The following GSE1 variants were observed in gnomAD, a reference collection of about 807,000 sequenced individuals.
The protein encoded by GSE1 is genetic suppressor element 1.
A neutral mutation model predicts 112.6 loss-of-function variants in GSE1; 32 were observed. The observed-to-expected ratio is 0.28, with a 90% CI of 0.21 to 0.38. GSE1 has a LOEUF of 0.38. Ranked by LOEUF, GSE1 falls within the 10% of genes least tolerant of loss-of-function variation. The pLI is 1.00. For missense variants in GSE1, 2,348 were observed against 1,699.2 expected (o/e 1.38, Z -6.71); for synonymous variants, 1,115 against 735.6 (o/e 1.52, Z -8.35).
intron 1 of GSE1, among the ~76,000 whole-genome samples, chr16:85,251,641 GGGC>G (rs936244622): frequency 3.5e-4 from 54 of 152,236 alleles, no homozygotes; most frequent in African/African-American, 1.3e-3. Flanking sequence ...GGGCCTTGCT[GGGC>G]GGTCAGACCC....
intron 1 of GSE1, among the ~76,000 whole-genome samples, chr16:85,264,282 C>G (rs981393437): frequency 6.6e-6 from 1 of 152,020 alleles, no homozygotes; most frequent in African/African-American, 2.4e-5. Context: ...GGTATCTGTC[C>G]CACATCCCTA....
At chr16:85,285,220 C>G (rs1168294015) in intron 1 of GSE1, 1 of 152,206 alleles carries the variant, frequency 6.6e-6, no homozygotes, top group Non-Finnish European at 1.5e-5. Context: ...AACCCAATGT[C>G]ATTTCTGGGG....
intron 1 of GSE1, among the ~76,000 whole-genome samples, chr16:85,621,756 C>G (rs922272548): frequency 1.3e-5 from 2 of 152,170 alleles, no homozygotes; most frequent in African/African-American, 4.8e-5. Flanking sequence ...ATCCGTGTCT[C>G]TTATCCACTG....
intron 1 of GSE1, among the ~76,000 whole-genome samples, chr16:85,276,817 C>T (rs950560760): frequency 1.3e-5 from 2 of 152,166 alleles, no homozygotes; most frequent in Admixed American, 6.5e-5. Context: ...CACCCAGGCC[C>T]CCTGACTCAG....
intron 2 of GSE1, among the ~76,000 whole-genome samples, chr16:85,471,614 A>T (rs368156207): frequency 4.6e-5 from 7 of 152,084 alleles, no homozygotes; most frequent in Non-Finnish European, 8.8e-5. Context: ...GGGTCTCGCT[A>T]TGTTGCCCAG....
chr16:85,370,611 CCTTCTCTCCCTCCCTCCTT>C (rs2047275586), intron 2 of GSE1, among the ~76,000 whole-genome samples: 1 of 4,942 alleles, frequency 2.0e-4, no homozygotes, highest in Non-Finnish European at 8.8e-4. Flanking sequence ...TTCCCTCCCT[CCTTCTCTCCCTCCCTCCTT>C]CTCTCCCTCC....
chr16:85,389,723 C>G (rs755923167), intron 2 of GSE1, among the ~76,000 whole-genome samples: 2 of 152,174 alleles, frequency 1.3e-5, no homozygotes, highest in Non-Finnish European at 2.9e-5. Context: ...ATAATCCTAA[C>G]AAATCACTGA....
chr16:85,230,443 G>T (rs995059475), intron 1 of GSE1, among the ~76,000 whole-genome samples: 1 of 152,176 alleles, frequency 6.6e-6, no homozygotes, highest in African/African-American at 2.4e-5. Context: ...TCAAGCAAAA[G>T]GGGGTTTACT....
At chr16:85,639,067 C>T (rs1239090621) in intron 2 of GSE1, among the ~76,000 whole-genome samples, 2 of 152,204 alleles carry the variant, frequency 1.3e-5, no homozygotes, top group South Asian at 2.1e-4. Flanking sequence ...TGGGTTGCAC[C>T]CCCAGCCCCT....
At chr16:85,477,717 T>G (rs1380989980) in intron 2 of GSE1, among the ~76,000 whole-genome samples, 2 of 151,942 alleles carry the variant, frequency 1.3e-5, no homozygotes, top group Admixed American at 1.3e-4. Context: ...CCCGCCACCA[T>G]GCCCGGCTAA....
chr16:85,493,226 G>A (rs1337564672), intron 2 of GSE1, among the ~76,000 whole-genome samples: 1 of 152,292 alleles, frequency 6.6e-6, no homozygotes, highest in East Asian at 1.9e-4. Context: ...GAGGCAGGGG[G>A]ATTGCTTGAA....
At chr16:85,538,187 A>C (rs950754690) in intron 2 of GSE1, among the ~76,000 whole-genome samples, 1 of 152,188 alleles carries the variant, frequency 6.6e-6, no homozygotes, top group Non-Finnish European at 1.5e-5. Context: ...CCCTAGAGCC[A>C]CCTGTGGCCG....
chr16:85,657,870 C>T lies in GSE1; in HGVS notation c.1640+266C>T, dbSNP rs540075323. ...ATGTTGAGAGCCAGGGCACTGCACA[C>T]GCAGCCTGACCTAGTTCCCAGGAGG... is the stretch of plus-strand genomic sequence containing the variant. On this transcript the variant is annotated intron_variant, in intron 8 of 15. Transcript: ENST00000253458. Among the ~76,000 whole-genome samples, 22 of 152,290 alleles carry T rather than the reference C, an allele frequency of 1.4e-4. No homozygotes were observed. In the East Asian group the frequency reaches 3.1e-3, roughly 21 times the overall value.
intron 1 of GSE1, among the ~76,000 whole-genome samples, chr16:85,256,531 CGT>C (rs1907099386): frequency 6.6e-6 from 1 of 152,210 alleles, no homozygotes; most frequent in Non-Finnish European, 1.5e-5. Flanking sequence ...CGCCCAGGCA[CGT>C]TCCTTGGCGA....
intron 1 of GSE1, among the ~76,000 whole-genome samples, chr16:85,315,402 G>A (rs1411667578): frequency 6.6e-6 from 1 of 152,188 alleles, no homozygotes; most frequent in Non-Finnish European, 1.5e-5. Context: ...GTACCATGGT[G>A]GATGGTGATC....
chr16:85,398,907 T>C (rs1325293260), intron 2 of GSE1, among the ~76,000 whole-genome samples: 3 of 152,150 alleles, frequency 2.0e-5, no homozygotes, highest in Non-Finnish European at 4.4e-5. Flanking sequence ...TGTGTAGACA[T>C]GTATAATGCA....
chr16:85,627,044 CTTTTTTTTTTTTTTTT>C lies in GSE1; in HGVS notation c.8-6853_8-6838del, dbSNP rs564272210. ...GGACTTTGCTTCCTTTTCTTCTTGC[CTTTTTTTTTTTTTTTT>C]TTTTTTTTTTTTTTTTAAAGCATTG... is the stretch of plus-strand genomic sequence containing the variant. On this transcript the variant is annotated intron_variant, in intron 1 of 15. Coordinates refer to ENST00000253458, the MANE Select transcript of GSE1 (RefSeq NM_014615.5). 1.4e-3 allele frequency among the ~76,000 whole-genome samples: 36 copies of C among 25,072 alleles called. 1 individual carries two copies. Among genetic ancestry groups the C allele is most frequent in the South Asian group, 4.4e-3 (2 of 458 alleles). The allele number at this position is 25,072 out of a possible 152,430, so 16.4% of individuals were successfully genotyped here.
At chr16:85,371,030 T>G (rs367827213) in intron 2 of GSE1, among the ~76,000 whole-genome samples, 2 of 152,134 alleles carry the variant, frequency 1.3e-5, no homozygotes, top group East Asian at 3.9e-4. Context: ...ACCCTCGCGC[T>G]CTCTTCTGGG....
intron 2 of GSE1, among the ~76,000 whole-genome samples, chr16:85,381,256 G>C (rs964210297): frequency 6.6e-6 from 1 of 152,192 alleles, no homozygotes; most frequent in African/African-American, 2.4e-5. Flanking sequence ...TGTCTTCCAG[G>C]TTCATCCACG....
Sources: gnomAD v4.1 joint callset for allele counts (sites outside exome capture counted in the v4.1 genomes callset) on GRCh38, gnomAD v4.1.1 for gene constraint, MANE v1.5 for transcripts, NCBI Gene and HGNC (gene_info 2026-07-23, HGNC 2026-07-21) for gene names.